PROKR2: variants seen among roughly 807,000 people sequenced by gnomAD.
PROKR2 encodes the protein G protein-coupled receptor 73-like 1.
A neutral mutation model predicts 23.4 loss-of-function variants in PROKR2; 26 were observed. The observed-to-expected ratio is 1.11, with a 90% CI of 0.81 to 1.54. The LOEUF is 1.54. PROKR2 is among the 40% of genes most tolerant of loss of function. The pLI is 0.00. For missense variants in PROKR2, 453 were observed against 511.5 expected, an observed-to-expected ratio of 0.89 and a Z score of 1.10; for synonymous variants, 212 against 201.2, an observed-to-expected ratio of 1.05 and a Z score of -0.45.
chr20:5,313,812 T>G, intron 2 of PROKR2, 100 bp downstream of exon 2: 11 of 1,012,802 alleles, frequency 1.1e-5, no homozygotes, highest in African/African-American at 1.6e-5. Context: ...CAAAGATTGG[T>G]GAGCATTCCT....
In PROKR2 at chr20:5,309,708, CT is replaced by C. The variant is rs554658951; in HGVS notation, c.458+4203del. On this transcript the variant is annotated intron_variant, in intron 2 of 2. Transcript: ENST00000678254. ...CCTTGGGTGAGGGACATTATTCTGCCTCCCATACTGAATCCAAAGGGCTTAG... is the reference window on the plus strand; with the variant it reads ...CCTTGGGTGAGGGACATTATTCTGCCCCCATACTGAATCCAAAGGGCTTAG... 1.7e-3 allele frequency among the ~76,000 whole-genome samples: 262 copies of C among 152,292 alleles called. 1 individual carries two copies. Among genetic ancestry groups the C allele is most frequent in the African/African-American group, 5.6e-3 (231 of 41,562 alleles).
In PROKR2 at chr20:5,301,624, C is replaced by T. The variant is rs1695273881; in HGVS notation, c.*416G>A. On this transcript the variant is annotated 3_prime_UTR_variant, in exon 3 of 3. Coordinates refer to ENST00000678254, the MANE Select transcript of PROKR2 (RefSeq NM_144773.4). Reference sequence around the variant, plus strand: ...ATATCTGGAGATAGCTTGGAAACTCCAATAGCTTCTGCTACTTTGTTATGT... The same window carrying T: ...ATATCTGGAGATAGCTTGGAAACTCTAATAGCTTCTGCTACTTTGTTATGT... Among the ~76,000 whole-genome samples, 1 of 152,192 alleles carries T rather than the reference C, an allele frequency of 6.6e-6. No homozygotes were observed. Among genetic ancestry groups the T allele is most frequent in the South Asian group, 2.1e-4 (1 of 4,826 alleles).
rs1167205037 is a variant in PROKR2 at position 5,299,425 on chromosome 20, G to A, written c.*2615C>T. ...ATGGTCCATTCCTAAAGAATCTCCT[G>A]ATTCGGCTAAGAGCCAGGATAGAAT... is the stretch of plus-strand genomic sequence containing the variant. On this transcript the variant is annotated 3_prime_UTR_variant, in exon 3 of 3. Coordinates refer to ENST00000678254, the MANE Select transcript of PROKR2 (RefSeq NM_144773.4). 6.6e-6 allele frequency among the ~76,000 whole-genome samples: 1 copy of A among 151,954 alleles called. No individual in the cohort carries two copies. The highest frequency in any genetic ancestry group is 1.5e-5 in the Non-Finnish European group (1 of 67,990).
chr20:5,309,984 C>G (rs1979373888), intron 2 of PROKR2, among the ~76,000 whole-genome samples: 1 of 152,160 alleles, frequency 6.6e-6, no homozygotes, highest in African/African-American at 2.4e-5. Flanking sequence ...GACCTGGATT[C>G]CAGCTGTGTA....
intron 2 of PROKR2, among the ~76,000 whole-genome samples, chr20:5,306,060 G>T (rs11908052): frequency 0.12 from 17,656 of 152,186 alleles, 1,095 homozygotes; most frequent in Non-Finnish European, 0.12. Flanking sequence ...GAAAGACAAA[G>T]TTCCCACCAA....
chr20:5,300,431 A>T lies in PROKR2; in HGVS notation c.*1609T>A, dbSNP rs564144534. Among the ~76,000 whole-genome samples the T allele has an allele frequency of 1.3e-5, 2 of 152,340 alleles. No homozygotes were observed. Among genetic ancestry groups the T allele is most frequent in the Non-Finnish European group, 2.9e-5 (2 of 68,034 alleles). ...GTCTTTCATCCAAAGAACAGGGATGAAAAAGTGTGGGTATTTCTCTAATAA... is the reference window on the plus strand; with the variant it reads ...GTCTTTCATCCAAAGAACAGGGATGTAAAAGTGTGGGTATTTCTCTAATAA... On this transcript the variant is annotated 3_prime_UTR_variant, in exon 3 of 3. Transcript: ENST00000678254.
At chr20:5,303,859 C>A (rs1979108295) in intron 2 of PROKR2, among the ~76,000 whole-genome samples, 1 of 152,086 alleles carries the variant, frequency 6.6e-6, no homozygotes, top group Admixed American at 6.6e-5. Context: ...TAAACAGGCC[C>A]CCCAAAACCT....
intron 2 of PROKR2, among the ~76,000 whole-genome samples, chr20:5,307,618 GT>G (rs1979268621): frequency 6.6e-6 from 1 of 152,240 alleles, no homozygotes; most frequent in African/African-American, 2.4e-5. Context: ...CTTAGGGGAT[GT>G]TTAGCTTGAA....
chr20:5,309,902 G>C (rs569165679), intron 2 of PROKR2, among the ~76,000 whole-genome samples: 41 of 152,304 alleles, frequency 2.7e-4, no homozygotes, highest in African/African-American at 7.7e-4. Flanking sequence ...CTCATTGTAT[G>C]ATGTTCCAAA....
intron 2 of PROKR2, among the ~76,000 whole-genome samples, chr20:5,311,333 G>A (rs1468261625): frequency 2.6e-5 from 4 of 152,152 alleles, no homozygotes; most frequent in Admixed American, 6.6e-5. Flanking sequence ...CTGCTTGGAC[G>A]GCTGAGAGAA....
intron 2 of PROKR2, among the ~76,000 whole-genome samples, chr20:5,311,216 T>C (rs1979430952): frequency 6.6e-6 from 1 of 152,144 alleles, no homozygotes; most frequent in Admixed American, 6.5e-5. Flanking sequence ...TGCTAAGAGA[T>C]AAAGCTGGAA....
intron 2 of PROKR2, among the ~76,000 whole-genome samples, chr20:5,309,230 T>G (rs1979342459): frequency 6.6e-6 from 1 of 152,242 alleles, no homozygotes. Flanking sequence ...CTATTGCTGC[T>G]TGTAACAAAT....
At position 5,299,304 on chromosome 20, in the gene PROKR2, A is replaced by G. The variant is rs1247054331; in HGVS notation, c.*2736T>C. ...CACAAATACACACTGATATTTACAA[A>G]AGTTTTTTCAGTTAAATTTCAATGA... is the stretch of plus-strand genomic sequence containing the variant. On this transcript the variant is annotated 3_prime_UTR_variant, in exon 3 of 3. Transcript: ENST00000678254. Among the ~76,000 whole-genome samples the G allele has an allele frequency of 1.3e-5, 2 of 152,140 alleles. No homozygotes were observed. Among genetic ancestry groups the G allele is most frequent in the African/African-American group, 2.4e-5 (1 of 41,434 alleles).
At chr20:5,313,770 C>T in intron 2 of PROKR2, 142 bp downstream of exon 2, 1 of 760,580 alleles carries the variant, frequency 1.3e-6, no homozygotes, top group Non-Finnish European at 2.2e-6. Context: ...GAACAGAACT[C>T]AACTGGAGAA....
At chr20:5,305,553 C>T (rs551796285) in intron 2 of PROKR2, among the ~76,000 whole-genome samples, 8 of 152,072 alleles carry the variant, frequency 5.3e-5, no homozygotes, top group East Asian at 1.9e-4. Flanking sequence ...CTGATTGTGC[C>T]GTATGTGGAA....
rs778156328 is a variant in PROKR2, at chr20:5,302,130, G to C, written c.1065C>G (p.Ser355=). ...KKMMLLHWRP[S]QRGSKSSADL... is the part of the protein sequence containing the mutation. ...CAGCACTGGACTTGCTCCCCCGCTG[G>C]GAGGGACGCCAGTGCAGCAGCATCA... The change falls in exon 3 of 3, where the codon TCC becomes TCG. Residue 355 remains serine, a synonymous_variant. Coordinates refer to ENST00000678254, the MANE Select transcript of PROKR2 (RefSeq NM_144773.4). The C allele has an allele frequency of 2.5e-6, 4 of 1,614,218 alleles. No individual in the cohort carries two copies. Among genetic ancestry groups the C allele is most frequent in the Non-Finnish European group, 1.7e-6 (2 of 1,180,040 alleles).
chr20:5,314,440 G>C (rs1015609984), intron 1 of PROKR2, 63 bp from the exon 2 acceptor site: 1 of 1,345,992 alleles, frequency 7.4e-7, no homozygotes, highest in Non-Finnish European at 1.1e-6. Flanking sequence ...TGCTCTTTCA[G>C]GGTCAGTGAG....
At chr20:5,312,866 G>T (rs909434340) in intron 2 of PROKR2, among the ~76,000 whole-genome samples, 2 of 152,150 alleles carry the variant, frequency 1.3e-5, no homozygotes, top group Non-Finnish European at 2.9e-5. Context: ...GTCATAAACT[G>T]CTATTATACA....
rs572126852 is a variant in PROKR2 at position 5,302,605 on chromosome 20, A to G, written c.590T>C (p.Leu197Pro). The G allele has an allele frequency of 1.2e-6, 2 of 1,614,198 alleles. No homozygotes were observed. Among genetic ancestry groups the G allele is most frequent in the East Asian group, 4.5e-5 (2 of 44,886 alleles). Residue 197 changes from leucine (L) to proline (P), a missense_variant, in exon 3 of 3, where the codon CTC (leucine) becomes CCC (proline). By Grantham distance (98) the Leu-to-Pro change is moderately conservative. Transcript: ENST00000678254. The part of the protein sequence containing the change: ...PSAYFATETV[L>P]FIVKSQEKIF... The stretch of plus-strand genomic sequence containing the variant: ...CTTCTCCTGGCTCTTGACAATAAAG[A>G]GGACCGTTTCTGTTGCAAAGTAAGC...
Sources: gnomAD v4.1 joint callset for allele counts (sites outside exome capture counted in the v4.1 genomes callset) on GRCh38, gnomAD v4.1.1 for gene constraint, MANE v1.5 for transcripts, NCBI Gene and HGNC (gene_info 2026-07-23, HGNC 2026-07-21) for gene names.